DGKG: variants seen among roughly 807,000 people sequenced by gnomAD.
DGKG encodes the protein diacylglycerol kinase gamma.
Under a neutral mutation model 105.3 loss-of-function variants are expected in DGKG, and 78 were observed. The ratio of observed to expected loss-of-function variants is 0.74; its 90% CI spans 0.62 to 0.89. The LOEUF (loss-of-function observed/expected upper bound fraction) is 0.89. DGKG is among the 40% of genes least tolerant of loss of function. The probability of loss-of-function intolerance (pLI) is 0.00; values close to 1 mark genes in which losing one functional copy is unlikely to be tolerated. For synonymous variants in DGKG, 346 were observed against 367.1 expected, an observed-to-expected ratio of 0.94 and a Z score of 0.66; for missense variants, 958 against 1,020.1, an observed-to-expected ratio of 0.94 and a Z score of 0.83.
chr3:186,212,060 C>T (rs1038636707), intron 20 of DGKG, among the ~76,000 whole-genome samples, 175 bp from the exon 21 acceptor site: 1 of 152,206 alleles, frequency 6.6e-6, no homozygotes, highest in Non-Finnish European at 1.5e-5. Flanking sequence ...ACTGTTCTTG[C>T]TCGGAACTTA....
At chr3:186,251,328 G>T (rs58939191) in intron 19 of DGKG, among the ~76,000 whole-genome samples, 8,473 of 152,064 alleles carry the variant, frequency 0.056, 767 homozygotes, top group African/African-American at 0.19. Flanking sequence ...GAAATCTGAG[G>T]GCTAAGCCAG....
intron 20 of DGKG, among the ~76,000 whole-genome samples, chr3:186,224,283 T>C (rs1223281486): frequency 2.6e-5 from 4 of 152,206 alleles, no homozygotes; most frequent in Admixed American, 6.5e-5. Context: ...TCAGATCAGC[T>C]ACAGAGCAGC....
chr3:186,228,121 C>A (rs1217755885), intron 20 of DGKG, among the ~76,000 whole-genome samples: 1 of 152,104 alleles, frequency 6.6e-6, no homozygotes, highest in Non-Finnish European at 1.5e-5. Context: ...GAATGACATG[C>A]GGATTCTTTT....
intron 1 of DGKG, among the ~76,000 whole-genome samples, chr3:186,347,862 C>A (rs973399187): frequency 6.6e-6 from 1 of 152,212 alleles, no homozygotes; most frequent in Non-Finnish European, 1.5e-5. Flanking sequence ...GGATTACAGG[C>A]ATGAGCCTCC....
chr3:186,275,023 A>G (rs978441670), intron 10 of DGKG, among the ~76,000 whole-genome samples: 3 of 152,168 alleles, frequency 2.0e-5, no homozygotes, highest in East Asian at 1.9e-4. Flanking sequence ...AAGTGTTCCT[A>G]TTTCTCCACA....
At chr3:186,195,135 T>C (rs1488445405) in intron 21 of DGKG, among the ~76,000 whole-genome samples, 1 of 151,856 alleles carries the variant, frequency 6.6e-6, no homozygotes, top group Non-Finnish European at 1.5e-5. Context: ...TTCAAACATA[T>C]AGGGAAAGCA....
intron 9 of DGKG, among the ~76,000 whole-genome samples, chr3:186,276,484 A>G (rs966989484): frequency 2.0e-5 from 3 of 152,200 alleles, no homozygotes; most frequent in African/African-American, 7.2e-5. Context: ...GTGTGCATGT[A>G]CTAGTGTGAT....
At chr3:186,174,663 T>C (rs1366720416) in intron 22 of DGKG, among the ~76,000 whole-genome samples, 1 of 13,110 alleles carries the variant, frequency 7.6e-5, no homozygotes, top group Non-Finnish European at 1.8e-4. Flanking sequence ...TGTGTGTGTG[T>C]GTGTGTGTGT....
intron 1 of DGKG, among the ~76,000 whole-genome samples, chr3:186,346,242 C>T (rs892325498): frequency 5.3e-5 from 8 of 152,174 alleles, no homozygotes; most frequent in African/African-American, 1.9e-4. Flanking sequence ...TGCTGTTGTG[C>T]TTCAATTTCC....
chr3:186,230,574 G>A lies in DGKG; in HGVS notation c.1826+11930C>T, dbSNP rs552238257. ...AAGCATGGGATGTAACGTGGGAGGG[G>A]GGTGGTGGAAGTAGGTGCTTGTGCA... On this transcript the variant is annotated intron_variant, in intron 20 of 24. Coordinates refer to ENST00000265022, the MANE Select transcript of DGKG (RefSeq NM_001346.3). Among the ~76,000 whole-genome samples the A allele has an allele frequency of 9.2e-5, 14 of 152,240 alleles. No individual in the cohort carries two copies. In the South Asian group the frequency reaches 2.7e-3, roughly 29 times the overall value.
At chr3:186,273,858 G>T (rs1475054486) in intron 10 of DGKG, among the ~76,000 whole-genome samples, 1 of 152,188 alleles carries the variant, frequency 6.6e-6, no homozygotes, top group Non-Finnish European at 1.5e-5. Flanking sequence ...GTGTCTGGTG[G>T]GTTCAGGCTG....
At chr3:186,222,753 C>T (rs112762274) in intron 20 of DGKG, among the ~76,000 whole-genome samples, 1,800 of 151,168 alleles carry the variant, frequency 0.012, 28 homozygotes, top group South Asian at 0.068. Flanking sequence ...CTGAGGCGGG[C>T]GGATCATGAG....
At chr3:186,317,161 A>G (rs770343930) in intron 2 of DGKG, among the ~76,000 whole-genome samples, 1 of 151,992 alleles carries the variant, frequency 6.6e-6, no homozygotes, top group Non-Finnish European at 1.5e-5. Flanking sequence ...CTGCATTTGG[A>G]GCTCCTCCTT....
intron 9 of DGKG, among the ~76,000 whole-genome samples, chr3:186,276,881 T>C (rs1369299228): frequency 6.6e-6 from 1 of 152,202 alleles, no homozygotes; most frequent in East Asian, 1.9e-4. Context: ...AATTCTTACT[T>C]CTGGGGTGCG....
chr3:186,338,055 A>AT (rs1725911512), intron 1 of DGKG, among the ~76,000 whole-genome samples: 1 of 151,804 alleles, frequency 6.6e-6, no homozygotes, highest in Non-Finnish European at 1.5e-5. Context: ...CTGTAGTCCC[A>AT]GCTACTCGGG....
intron 1 of DGKG, among the ~76,000 whole-genome samples, chr3:186,357,534 T>C (rs1727028175): frequency 6.6e-6 from 1 of 152,234 alleles, no homozygotes; most frequent in Non-Finnish European, 1.5e-5. Context: ...TTTCTGAGAC[T>C]CAGTTTCCTT....
chr3:186,212,927 G>A (rs1468594897), intron 20 of DGKG, among the ~76,000 whole-genome samples: 1 of 152,180 alleles, frequency 6.6e-6, no homozygotes, highest in Non-Finnish European at 1.5e-5. Flanking sequence ...GCAGATGAAG[G>A]GGAAAGGAGC....
chr3:186,259,386 T>C (rs1721643011), intron 16 of DGKG, among the ~76,000 whole-genome samples: 1 of 152,250 alleles, frequency 6.6e-6, no homozygotes, highest in Non-Finnish European at 1.5e-5. Context: ...GTGACTGTGA[T>C]GGCAACTGCA....
At chr3:186,314,973 C>G (rs149924915) in intron 2 of DGKG, among the ~76,000 whole-genome samples, 31 of 152,076 alleles carry the variant, frequency 2.0e-4, no homozygotes, top group African/African-American at 6.0e-4. Flanking sequence ...TGCCCACCCC[C>G]CAATGGCCAC....
Sources: allele counts gnomAD v4.1 joint callset (sites outside exome capture counted in the v4.1 genomes callset), GRCh38; gene constraint gnomAD v4.1.1; transcripts MANE v1.5; gene names NCBI Gene and HGNC (gene_info 2026-07-23, HGNC 2026-07-21).